PPP6R1: variants seen among roughly 807,000 people sequenced by gnomAD.
PPP6R1 encodes the protein protein phosphatase 6 regulatory subunit 1, also known as serine/threonine-protein phosphatase 6 regulatory subunit 1.
A neutral mutation model predicts 104.6 loss-of-function variants in PPP6R1; 39 were observed. The observed-to-expected ratio is 0.37, with a 90% CI of 0.29 to 0.49. PPP6R1 has a LOEUF of 0.49. Ranked by LOEUF, PPP6R1 falls within the 20% of genes least tolerant of loss-of-function variation. PPP6R1 has a pLI of 0.98. For synonymous variants in PPP6R1, 549 were observed against 479.0 expected (o/e 1.15, Z -1.91); for missense variants, 1,181 against 1,155.8 (o/e 1.02, Z -0.32).
chr19:55,240,163 T>G (rs1392129194), intron 11 of PPP6R1, 49 bp from the exon 12 acceptor site: 2 of 1,561,842 alleles, frequency 1.3e-6, no homozygotes, highest in Non-Finnish European at 1.7e-6. Context: ...GACCCAGGGA[T>G]GCCCAGCCCC....
intron 15 of PPP6R1, among the ~76,000 whole-genome samples, chr19:55,237,752 G>A (rs1484959562): frequency 6.6e-6 from 1 of 152,212 alleles, no homozygotes; most frequent in Non-Finnish European, 1.5e-5. Context: ...CAGAGACCAC[G>A]CTGGGCACAC....
At chr19:55,247,258 C>T in intron 1 of PPP6R1, 149 bp from the exon 2 acceptor site, 1 of 774,578 alleles carries the variant, frequency 1.3e-6, no homozygotes, top group South Asian at 1.7e-5. Flanking sequence ...CCGGCCCCGC[C>T]CCGGGACTGC....
At chr19:55,239,195 A>G (rs2087425870) in intron 15 of PPP6R1, 3 of 588,252 alleles carry the variant, frequency 5.1e-6, no homozygotes, top group Non-Finnish European at 6.1e-6. Flanking sequence ...GAGAGAAGAG[A>G]CTGCAGAGCT....
At position 55,232,125 on chromosome 19, in the gene PPP6R1, C is replaced by A. The variant is rs983432431; in HGVS notation, c.2075G>T (p.Arg692Leu). The stretch of plus-strand genomic sequence containing the variant: ...GTAGGACAGAGGGGTGGCCCCTCCA[C>A]GGGCTGCACAGCCAATGCCCTCCTC... ...EDEEGIGCAA[R>L]GGATPLSYPS... The change falls in exon 18 of 24, where the codon CGT (arginine) becomes CTT (leucine). Residue 692 changes from arginine to leucine, a missense_variant. By Grantham distance (102) the Arg-to-Leu change is moderately radical. Around this residue, in one of 2 missense-constraint regions of PPP6R1, gnomAD observed 1,042 missense variants for 955.6 expected, o/e 1.09. Coordinates refer to ENST00000412770, the MANE Select transcript of PPP6R1 (RefSeq NM_014931.4). The A allele has an allele frequency of 6.3e-7, 1 of 1,598,762 alleles. No homozygotes were observed. Among genetic ancestry groups the A allele is most frequent in the Non-Finnish European group, 8.5e-7 (1 of 1,172,718 alleles).
rs567434354 is a variant in PPP6R1, at chr19:55,230,967, C to T, written c.2460-83G>A. 3.6e-4 allele frequency: 436 copies of T among 1,211,304 alleles called. 5 individuals are homozygous for T. The highest frequency in any genetic ancestry group is 8.0e-4 in the East Asian group (33 of 41,426). The allele number at this position is 1,211,304 out of a possible 1,614,324, so 75.0% of individuals were successfully genotyped here. A position where few individuals can be genotyped will look rare whatever the true frequency, so the allele number is the denominator to read the frequency against. On this transcript the variant is annotated intron_variant, in intron 21 of 23. Transcript: ENST00000412770. ...CCCTCACATCCCACCCGACTGAAGT[C>T]GGCTCACTGGGTGTGTGTCTGCCAC...
Position 55,245,806 on chromosome 19 carries a change from G to A in PPP6R1, c.228-128C>T. The A allele has an allele frequency of 1.3e-6, 1 of 782,414 alleles. No individual in the cohort carries two copies. Among genetic ancestry groups the A allele is most frequent in the South Asian group, 1.7e-5 (1 of 58,250 alleles). The allele number at this position is 782,414 out of a possible 1,614,324, so 48.5% of individuals were successfully genotyped here. A position where few individuals can be genotyped will look rare whatever the true frequency, so the allele number is the denominator to read the frequency against. On this transcript the variant is annotated intron_variant, in intron 2 of 23. Transcript: ENST00000412770. The surrounding 1 kb of genome is among the most constrained non-coding windows in gnomAD (Gnocchi z 6.4). ...AACTGCAGAGACCCCTGTCCAGGAA[G>A]GGGAAAGGGCAGAGGACAGGGTGAC...
chr19:55,234,731 A>G (rs767867201), intron 17 of PPP6R1, among the ~76,000 whole-genome samples: 1 of 152,236 alleles, frequency 6.6e-6, no homozygotes, highest in Non-Finnish European at 1.5e-5. Context: ...ATTCAGCTGC[A>G]GCTCATCATG....
intron 1 of PPP6R1, among the ~76,000 whole-genome samples, chr19:55,256,966 T>C (rs1002138327): frequency 1.3e-5 from 2 of 151,974 alleles, no homozygotes; most frequent in African/African-American, 4.8e-5. Flanking sequence ...AGGAACAACT[T>C]GTCCAAGGTC....
In PPP6R1 at chr19:55,240,889, G is replaced by A. The variant is rs966436381; in HGVS notation, c.1296+56C>T. On this transcript the variant is annotated intron_variant, in intron 10 of 23. Coordinates refer to ENST00000412770, the MANE Select transcript of PPP6R1 (RefSeq NM_014931.4). ...GAGTGAGGGGTAGGCCTCTGGAGAG[G>A]GTGCGCCCACAGGGGATGGGCCCAG... The A allele has an allele frequency of 6.3e-6, 10 of 1,575,314 alleles. No homozygotes were observed. In the African/African-American group the frequency reaches 1.2e-4, roughly 19 times the overall value.
intron 1 of PPP6R1, among the ~76,000 whole-genome samples, chr19:55,250,344 C>T (rs1318912935): frequency 6.6e-6 from 1 of 152,232 alleles, no homozygotes; most frequent in Non-Finnish European, 1.5e-5. Context: ...AGCTGGCACT[C>T]TCAGCTTTCA....
In PPP6R1 at chr19:55,231,323, T is replaced by C. The variant is rs1195990635; in HGVS notation, c.2459+87A>G. The C allele has an allele frequency of 6.2e-6, 9 of 1,442,582 alleles. No homozygotes were observed. The African/African-American group carries it at 8.5e-5, about 14-fold the overall frequency. The allele number at this position is 1,442,582 out of a possible 1,614,324, so 89.4% of individuals were successfully genotyped here. On this transcript the variant is annotated intron_variant, in intron 21 of 23. Transcript: ENST00000412770. Reference sequence around the variant, plus strand: ...TCCTGCAAAGGAGGCCTGGAGCAGCTCAGGGACAAGATGAACCCAGAGCCC... The same window carrying C: ...TCCTGCAAAGGAGGCCTGGAGCAGCCCAGGGACAAGATGAACCCAGAGCCC...
intron 17 of PPP6R1, among the ~76,000 whole-genome samples, chr19:55,235,236 G>T (rs146058395): frequency 6.6e-6 from 1 of 151,860 alleles, no homozygotes; most frequent in African/African-American, 2.4e-5. Context: ...TGTAACATTT[G>T]CACTAAAATG....
At chr19:55,228,822 T>A (rs2087311208), downstream of PPP6R1, 5 of 1,444,572 alleles carry the variant, frequency 3.5e-6, no homozygotes, top group Non-Finnish European at 4.8e-6. Context: ...TGGTTACACG[T>A]TAACCCAAGG....
At chr19:55,257,533 G>C (rs2087602400) in intron 1 of PPP6R1, among the ~76,000 whole-genome samples, 1 of 152,100 alleles carries the variant, frequency 6.6e-6, no homozygotes, top group Non-Finnish European at 1.5e-5. Flanking sequence ...TCAGGACTCC[G>C]ACCTTCCTTC....
chr19:55,239,122 G>T, intron 15 of PPP6R1: 1 of 427,914 alleles, frequency 2.3e-6, no homozygotes, highest in Non-Finnish European at 4.4e-6. Flanking sequence ...GGAGTGGGAG[G>T]GACCCGCTCT....
At chr19:55,247,671 C>T (rs1378640209) in intron 1 of PPP6R1, among the ~76,000 whole-genome samples, 1 of 152,212 alleles carries the variant, frequency 6.6e-6, no homozygotes, top group East Asian at 1.9e-4. Flanking sequence ...CCAGCAAATC[C>T]CCCAAGGCTA....
chr19:55,258,351 G>A (rs757075333), intron 1 of PPP6R1, 84 bp downstream of exon 1: 1 of 152,310 alleles, frequency 6.6e-6, no homozygotes, highest in Non-Finnish European at 1.5e-5. Flanking sequence ...GTCCCGAGAG[G>A]GAAAAGCCTG....
intron 5 of PPP6R1, 122 bp downstream of exon 5, chr19:55,244,998 A>T: frequency 7.0e-7 from 1 of 1,432,634 alleles, no homozygotes; most frequent in East Asian, 2.5e-5. Flanking sequence ...TCGCCCTCCC[A>T]AAGTGCTGGA....
In PPP6R1 at chr19:55,230,704, A is replaced by G. The variant is rs77505585; in HGVS notation, c.2571-20T>C. The G allele has an allele frequency of 3.2e-3, 5,037 of 1,556,858 alleles. 128 individuals are homozygous for G. In the African/African-American group the frequency reaches 0.06, roughly 19 times the overall value. On this transcript the variant is annotated intron_variant, in intron 22 of 23. Coordinates refer to ENST00000412770, the MANE Select transcript of PPP6R1 (RefSeq NM_014931.4). ...TGGGCACTGTCAGGGGAGAGAGGGG[A>G]TGTGCAGAGGTCACTTCCTGCCCCA...
Sources: gnomAD v4.1 joint callset for allele counts (sites outside exome capture counted in the v4.1 genomes callset) on GRCh38, gnomAD v4.1.1 for gene constraint, gnomAD v4.1.1 regional missense constraint, Gnocchi (gnomAD v3.1) non-coding constraint, MANE v1.5 for transcripts, NCBI Gene and HGNC (gene_info 2026-07-23, HGNC 2026-07-21) for gene names.